The following RANBP2 variants were observed in gnomAD, a reference collection of about 807,000 sequenced individuals.
RANBP2 encodes the protein RAN binding protein 2, also known as E3 SUMO-protein ligase RanBP2.
Under a neutral mutation model 303.6 loss-of-function variants are expected in RANBP2, and 57 were observed. The ratio of observed to expected loss-of-function variants is 0.19; its 90% CI spans 0.15 to 0.23. The LOEUF (loss-of-function observed/expected upper bound fraction) is 0.23, where lower values mean the gene tolerates loss of function less well. Ranked by LOEUF, RANBP2 falls within the 10% of genes least tolerant of loss-of-function variation. RANBP2 has a pLI of 1.00. For missense variants in RANBP2, 3,138 were observed against 3,780.8 expected, an observed-to-expected ratio of 0.83 and a Z score of 4.46; for synonymous variants, 1,167 against 1,301.5, an observed-to-expected ratio of 0.90 and a Z score of 2.23.
chr2:109,524,446 A>T, the RANBP2 span, among the ~76,000 whole-genome samples: 1 of 47,638 alleles, frequency 2.1e-5, no homozygotes, highest in Non-Finnish European at 4.3e-5. Context: ...CCCTGTCTCA[A>T]AAAAAAAAAA....
chr2:108,723,373 G>A (rs1436510615), intron 1 of RANBP2, among the ~76,000 whole-genome samples: 2 of 150,462 alleles, frequency 1.3e-5, no homozygotes, highest in East Asian at 2.0e-4. Context: ...TCTGCCTCCC[G>A]GGTTCACACC....
chr2:109,030,361 G>T, the RANBP2 span, among the ~76,000 whole-genome samples: 1 of 152,182 alleles, frequency 6.6e-6, no homozygotes, highest in Non-Finnish European at 1.5e-5. Context: ...TATTTTAAGT[G>T]AATTTCACGT....
chr2:109,291,281 T>TC, the RANBP2 span, among the ~76,000 whole-genome samples: 1 of 51,892 alleles, frequency 1.9e-5, no homozygotes, highest in Admixed American at 3.3e-4. Context: ...GAGTAATCTC[T>TC]TTTTTTTTTT....
the RANBP2 span, among the ~76,000 whole-genome samples, chr2:109,590,129 C>T: frequency 2.9e-4 from 43 of 150,570 alleles, no homozygotes; most frequent in East Asian, 6.1e-3. Context: ...TACACACATA[C>T]AGATGTAAAT....
chr2:108,923,758 A>G, the RANBP2 span, among the ~76,000 whole-genome samples: 6 of 152,190 alleles, frequency 3.9e-5, no homozygotes, highest in Non-Finnish European at 8.8e-5. Flanking sequence ...TCCACCAGAA[A>G]TATCCCTGTG....
chr2:108,877,151 G>C, the RANBP2 span, among the ~76,000 whole-genome samples: 5 of 152,178 alleles, frequency 3.3e-5, no homozygotes, highest in Admixed American at 3.3e-4. Flanking sequence ...GCCAAGGTGA[G>C]AATGGTGGAA....
At chr2:108,890,177 C>T in the RANBP2 span, among the ~76,000 whole-genome samples, 810 of 145,912 alleles carry the variant, frequency 5.6e-3, 8 homozygotes, top group Non-Finnish European at 6.7e-3. Flanking sequence ...ATACCATTCT[C>T]TTCTGGCCTA....
chr2:109,320,219 T>C, the RANBP2 span, among the ~76,000 whole-genome samples: 909 of 152,238 alleles, frequency 6.0e-3, 9 homozygotes, highest in African/African-American at 0.021. Flanking sequence ...TTGACTCTAA[T>C]TCCATTTTTG....
the RANBP2 span, among the ~76,000 whole-genome samples, chr2:108,833,609 T>A: frequency 6.6e-6 from 1 of 152,190 alleles, no homozygotes; most frequent in Non-Finnish European, 1.5e-5. Flanking sequence ...TGGTAAATAT[T>A]TTAGGTTTTG....
At chr2:108,961,848 C>T in the RANBP2 span, among the ~76,000 whole-genome samples, 2 of 152,152 alleles carry the variant, frequency 1.3e-5, no homozygotes, top group Non-Finnish European at 2.9e-5. Context: ...ACTAATGGCC[C>T]CTGTGCTGGA....
chr2:109,649,267 T>C, the RANBP2 span, among the ~76,000 whole-genome samples: 1 of 152,182 alleles, frequency 6.6e-6, no homozygotes, highest in Non-Finnish European at 1.5e-5. Flanking sequence ...ATTGGCTCCA[T>C]GACTAAAGTC....
chr2:109,148,985 C>T, the RANBP2 span, among the ~76,000 whole-genome samples: 1 of 152,164 alleles, frequency 6.6e-6, no homozygotes, highest in East Asian at 1.9e-4. Context: ...ATCTTTGTTT[C>T]CCTGTTTGCA....
At chr2:108,880,216 A>C in the RANBP2 span, among the ~76,000 whole-genome samples, 1 of 3,968 alleles carries the variant, frequency 2.5e-4, no homozygotes, top group Admixed American at 4.3e-3. Context: ...ACAACAAACA[A>C]AAACAAACAA....
intron 25 of RANBP2, among the ~76,000 whole-genome samples, chr2:108,779,401 G>C (rs13387352): frequency 0.024 from 3,676 of 152,100 alleles, 143 homozygotes; most frequent in African/African-American, 0.084. Flanking sequence ...CTGACCTCAA[G>C]TGACCAGCCC....
At chr2:108,777,090 A>C in intron 24 of RANBP2, 40 bp from the exon 25 acceptor site, 3 of 1,571,226 alleles carry the variant, frequency 1.9e-6, no homozygotes, top group Non-Finnish European at 2.6e-6. Flanking sequence ...GATATTCAGC[A>C]CAAATTAAAT....
the RANBP2 span, among the ~76,000 whole-genome samples, chr2:109,088,872 T>C: frequency 0.95 from 145,351 of 152,258 alleles, 69,718 homozygotes; most frequent in Non-Finnish European, 1. Flanking sequence ...AAGTAGAAAA[T>C]GGTATATCTA....
At chr2:109,355,344 T>A in the RANBP2 span, among the ~76,000 whole-genome samples, 1 of 152,154 alleles carries the variant, frequency 6.6e-6, no homozygotes, top group African/African-American at 2.4e-5. Flanking sequence ...ATGCCTGTGG[T>A]TTCTGGTTTG....
the RANBP2 span, among the ~76,000 whole-genome samples, chr2:109,287,936 T>C: frequency 6.6e-6 from 1 of 152,262 alleles, no homozygotes; most frequent in Non-Finnish European, 1.5e-5. Context: ...AGGACCTGCC[T>C]GTTCAAATAA....
At chr2:109,726,240 C>A in the RANBP2 span, among the ~76,000 whole-genome samples, 1 of 151,862 alleles carries the variant, frequency 6.6e-6, no homozygotes, top group East Asian at 2.0e-4. Flanking sequence ...AAAACCCTGT[C>A]TCTACTAAAA....
Sources: allele counts gnomAD v4.1 joint callset (sites outside exome capture counted in the v4.1 genomes callset), GRCh38; gene constraint gnomAD v4.1.1; transcripts MANE v1.5; gene names NCBI Gene and HGNC (gene_info 2026-07-23, HGNC 2026-07-21).